NANP: variants seen among roughly 807,000 people sequenced by gnomAD.
NANP encodes N-acylneuraminate-9-phosphatase.
In NANP, 15 loss-of-function variants were observed where a neutral mutation model predicts 16.9. The ratio of observed to expected loss-of-function variants is 0.89; its 90% confidence interval spans 0.59 to 1.37. NANP has a LOEUF of 1.37. Ranked by LOEUF, NANP falls within the 40% of genes most tolerant of loss-of-function variation. The pLI is 0.00. For missense variants in NANP, 290 were observed against 303.5 expected (o/e 0.96, Z 0.33); for synonymous variants, 135 against 112.6 (o/e 1.20, Z -1.26).
intron 1 of NANP, among the ~76,000 whole-genome samples, chr20:25,622,229 G>C (rs957987413): frequency 2.6e-5 from 4 of 152,332 alleles, no homozygotes; most frequent in Non-Finnish European, 5.9e-5. Context: ...CACAGCAACA[G>C]TCTAGGTGAG....
At chr20:25,621,426 G>A (rs1301815797) in intron 1 of NANP, among the ~76,000 whole-genome samples, 2 of 152,062 alleles carry the variant, frequency 1.3e-5, no homozygotes, top group East Asian at 3.8e-4. Context: ...GGTCTAAAGA[G>A]GGAGAAAAAA....
In NANP at chr20:25,623,938, C is replaced by A. The variant is rs145792584; in HGVS notation, c.11G>T (p.Ser4Ile). The A allele has an allele frequency of 1.1e-5, 17 of 1,613,118 alleles. No homozygotes were observed. The highest frequency in any genetic ancestry group is 1.3e-5 in the Non-Finnish European group (15 of 1,179,770). The change falls in exon 1 of 2, where the codon AGC becomes ATC. Residue 4 changes from serine (S) to isoleucine (I), a missense_variant. Coordinates refer to ENST00000304788, the MANE Select transcript of NANP (RefSeq NM_152667.3). Reference protein sequence around the residue: MGLSRVRAVFFDLD... With the variant: MGLIRVRAVFFDLD... ...GTCAAAGAAAACCGCCCGCACGCGG[C>A]TCAGCCCCATAGCGCCGGCCGCTGG... is the stretch of plus-strand genomic sequence containing the variant.
In NANP at chr20:25,613,289, T is replaced by C. The variant is rs2065329186; in HGVS notation, c.*2636A>G. 2 of 152,378 alleles carry C rather than the reference T, an allele frequency of 1.3e-5. No homozygotes were observed. The highest frequency in any genetic ancestry group is 3.4e-3 in the Middle Eastern group (1 of 294). 9.4% of individuals were successfully genotyped at this position (152,378 alleles called of 1,614,324 possible). A position where few individuals can be genotyped will look rare whatever the true frequency, so the allele number is the denominator to read the frequency against. Reference sequence around the variant, plus strand: ...TAAACCAAGAACTTTGGTAAAGACCTGCTTTCCTACAATACTGAGCATCCA... The same window carrying C: ...TAAACCAAGAACTTTGGTAAAGACCCGCTTTCCTACAATACTGAGCATCCA... On this transcript the variant is annotated 3_prime_UTR_variant, in exon 2 of 2. Coordinates refer to ENST00000304788, the MANE Select transcript of NANP (RefSeq NM_152667.3).
chr20:25,618,146 G>C (rs1298707920), intron 1 of NANP, among the ~76,000 whole-genome samples: 4 of 142,632 alleles, frequency 2.8e-5, no homozygotes, highest in Non-Finnish European at 3.0e-5. Context: ...CTTTGTCGTT[G>C]AGGCATTATC....
intron 1 of NANP, among the ~76,000 whole-genome samples, chr20:25,618,489 T>C (rs1445731583): frequency 6.6e-6 from 1 of 152,146 alleles, no homozygotes; most frequent in African/African-American, 2.4e-5. Flanking sequence ...AGATAGTTTG[T>C]GAAGGGCCTT....
At chr20:25,622,635 G>A (rs1183443979) in intron 1 of NANP, among the ~76,000 whole-genome samples, 1 of 152,210 alleles carries the variant, frequency 6.6e-6, no homozygotes, top group Non-Finnish European at 1.5e-5. Context: ...GCACAGGGTG[G>A]CACCCCTGAG....
At chr20:25,616,827 A>G (rs897611673) in intron 1 of NANP, among the ~76,000 whole-genome samples, 16 of 152,186 alleles carry the variant, frequency 1.1e-4, no homozygotes, top group African/African-American at 3.4e-4. Flanking sequence ...GCTAGTAACA[A>G]TCCTTTGTTT....
In NANP at chr20:25,614,152, C is replaced by A; in HGVS notation, c.*1773G>T. On this transcript the variant is annotated 3_prime_UTR_variant, in exon 2 of 2. Transcript: ENST00000304788. Reference sequence around the variant, plus strand: ...AGAGCGAAAAGTAAACACGAAAGGGCATTTGCATGAGGCAGAGAATTCTGT... The same window carrying A: ...AGAGCGAAAAGTAAACACGAAAGGGAATTTGCATGAGGCAGAGAATTCTGT... 1 of 252,298 alleles carries A rather than the reference C, an allele frequency of 4.0e-6. No individual in the cohort carries two copies. The highest frequency in any genetic ancestry group is 7.1e-5 in the East Asian group (1 of 14,162). The allele number at this position is 252,298 out of a possible 1,614,324, so 15.6% of individuals were successfully genotyped here. A position where few individuals can be genotyped will look rare whatever the true frequency, so the allele number is the denominator to read the frequency against.
In NANP at chr20:25,615,232, G is replaced by A. The variant is rs11700338; in HGVS notation, c.*693C>T. ...ACAGGTGAGAAAATGTCACGGTAAAGGAGCACCATGTGTTGATTTTAACAG... is the reference window on the plus strand; with the variant it reads ...ACAGGTGAGAAAATGTCACGGTAAAAGAGCACCATGTGTTGATTTTAACAG... On this transcript the variant is annotated 3_prime_UTR_variant, in exon 2 of 2. Coordinates refer to ENST00000304788, the MANE Select transcript of NANP (RefSeq NM_152667.3). 16,975 of 152,292 alleles carry A rather than the reference G, an allele frequency of 0.11. 1,690 individuals are homozygous for A. Among genetic ancestry groups the A allele is most frequent in the East Asian group, 0.56 (2,898 of 5,150 alleles). 9.4% of individuals were successfully genotyped at this position (152,292 alleles called of 1,614,324 possible).
At chr20:25,618,163 G>A (rs950997956) in intron 1 of NANP, among the ~76,000 whole-genome samples, 2 of 128,432 alleles carry the variant, frequency 1.6e-5, no homozygotes, top group Non-Finnish European at 3.1e-5. Context: ...TATCTGGTGG[G>A]GAATATAATA....
chr20:25,615,236 C>T lies in NANP; in HGVS notation c.*689G>A, dbSNP rs1259275932. Reference sequence around the variant, plus strand: ...GTGAGAAAATGTCACGGTAAAGGAGCACCATGTGTTGATTTTAACAGCTTT... The same window carrying T: ...GTGAGAAAATGTCACGGTAAAGGAGTACCATGTGTTGATTTTAACAGCTTT... On this transcript the variant is annotated 3_prime_UTR_variant, in exon 2 of 2. Transcript: ENST00000304788. 6.6e-6 allele frequency: 1 copy of T among 152,038 alleles called. No individual in the cohort carries two copies. The highest frequency in any genetic ancestry group is 2.4e-5 in the African/African-American group (1 of 41,234). The allele number at this position is 152,038 out of a possible 1,614,324, so 9.4% of individuals were successfully genotyped here.
At chr20:25,623,819 C>T (rs779782637) in intron 1 of NANP, 40 bp downstream of exon 1, 19 of 1,569,052 alleles carry the variant, frequency 1.2e-5, no homozygotes, top group Non-Finnish European at 1.2e-5. Flanking sequence ...GCGGGGCGCA[C>T]TGACCCCGCC....
intron 1 of NANP, among the ~76,000 whole-genome samples, chr20:25,622,014 C>T (rs931820426): frequency 6.6e-6 from 1 of 152,222 alleles, no homozygotes; most frequent in Admixed American, 6.5e-5. Context: ...AAGAAGCTCA[C>T]TATTTAGTAG....
chr20:25,620,884 A>C (rs547883369), intron 1 of NANP, among the ~76,000 whole-genome samples: 1 of 151,990 alleles, frequency 6.6e-6, no homozygotes, highest in Non-Finnish European at 1.5e-5. Flanking sequence ...GAGGGTGCTA[A>C]GTGAAAATGC....
intron 1 of NANP, among the ~76,000 whole-genome samples, chr20:25,619,795 G>T (rs1340723124): frequency 2.6e-5 from 4 of 152,136 alleles, no homozygotes; most frequent in African/African-American, 9.7e-5. Context: ...TTAGATACGG[G>T]CTGGCTCATA....
chr20:25,616,008 C>A lies in NANP; in HGVS notation c.664G>T (p.Val222Phe), dbSNP rs1287298143. The change falls in exon 2 of 2, where the codon GTT becomes TTT. Residue 222 changes from valine (V) to phenylalanine (F), a missense_variant. Physicochemically the swap from Val to Phe is conservative, Grantham distance 50 (BLOSUM62 -1). Transcript: ENST00000304788. ...NGIVPLKSSP[V>F]PHYMVSSVLE... ...ACAGAAGAAACCATGTAATGCGGAA[C>A]TGGGGAGGACTTCAGTGGCACTATT... 1.2e-6 allele frequency: 2 copies of A among 1,614,184 alleles called. No individual in the cohort carries two copies. Among genetic ancestry groups the A allele is most frequent in the African/African-American group, 2.7e-5 (2 of 75,044 alleles).
Position 25,623,975 on chromosome 20 carries a change from G to T in NANP, c.-27C>A. The T allele has an allele frequency of 1.9e-6, 3 of 1,607,316 alleles. No individual in the cohort carries two copies. The highest frequency in any genetic ancestry group is 2.5e-6 in the Non-Finnish European group (3 of 1,177,396). ...GCGCCGGCCGCTGGCGCGAACCGTA[G>T]CCTTGCCACCGCCGCCTGCGCATGC... On this transcript the variant is annotated 5_prime_UTR_variant, in exon 1 of 2. Coordinates refer to ENST00000304788, the MANE Select transcript of NANP (RefSeq NM_152667.3).
At chr20:25,619,997 C>T (rs1444944032) in intron 1 of NANP, among the ~76,000 whole-genome samples, 1 of 152,184 alleles carries the variant, frequency 6.6e-6, no homozygotes, top group African/African-American at 2.4e-5. Context: ...CTATTCTATC[C>T]CTTCAATTAA....
At chr20:25,622,609 T>C (rs2065369748) in intron 1 of NANP, among the ~76,000 whole-genome samples, 1 of 152,204 alleles carries the variant, frequency 6.6e-6, no homozygotes, top group African/African-American at 2.4e-5. Flanking sequence ...CAGCGAGAGA[T>C]ACTGGAGGCA....
Sources: allele counts gnomAD v4.1 joint callset (sites outside exome capture counted in the v4.1 genomes callset), GRCh38; gene constraint gnomAD v4.1.1; transcripts MANE v1.5; gene names NCBI Gene and HGNC (gene_info 2026-07-23, HGNC 2026-07-21).